The following GALNT13 variants were observed in gnomAD, a reference collection of about 807,000 sequenced individuals.
The protein encoded by GALNT13 is UDP-GalNAc:polypeptide N-acetylgalactosaminyltransferase 13.
Under a neutral mutation model 64.2 loss-of-function variants are expected in GALNT13, and 28 were observed. The observed-to-expected ratio is 0.44, with a 90% CI of 0.32 to 0.60. GALNT13 has a LOEUF of 0.60. Among genes scored for constraint, GALNT13 ranks in the 20% least tolerant of loss-of-function variants. GALNT13 has a pLI of 0.05. For missense variants in GALNT13, 577 were observed against 669.8 expected (o/e 0.86, Z 1.53); for synonymous variants, 214 against 224.6 (o/e 0.95, Z 0.42).
At chr2:154,108,499 C>T (rs938500032) in intron 3 of GALNT13, among the ~76,000 whole-genome samples, 1 of 151,736 alleles carries the variant, frequency 6.6e-6, no homozygotes, top group African/African-American at 2.4e-5. Context: ...ATATTAAATC[C>T]TTCTCAGATG....
At chr2:154,021,483 C>T (rs1308410665) in intron 3 of GALNT13, among the ~76,000 whole-genome samples, 2 of 152,104 alleles carry the variant, frequency 1.3e-5, no homozygotes, top group African/African-American at 2.4e-5. Context: ...GGAATTCACT[C>T]ATGATTTGGC....
the GALNT13 span, among the ~76,000 whole-genome samples, chr2:153,289,666 T>G: frequency 6.6e-6 from 1 of 152,176 alleles, no homozygotes; most frequent in Admixed American, 6.5e-5. Flanking sequence ...GAGAAGATAC[T>G]TTTAAAATCA....
chr2:153,520,223 T>G, the GALNT13 span, among the ~76,000 whole-genome samples: 3 of 152,180 alleles, frequency 2.0e-5, no homozygotes, highest in Non-Finnish European at 2.9e-5. Context: ...TAAGGTACCT[T>G]AAGGAATGGA....
chr2:153,759,729 G>A, the GALNT13 span, among the ~76,000 whole-genome samples: 6 of 151,864 alleles, frequency 4.0e-5, no homozygotes, highest in African/African-American at 1.2e-4. Flanking sequence ...CATTTTGTTC[G>A]GGATTTTTGC....
chr2:153,362,788 G>A, the GALNT13 span, among the ~76,000 whole-genome samples: 1 of 152,068 alleles, frequency 6.6e-6, no homozygotes, highest in Non-Finnish European at 1.5e-5. Context: ...ATAATAGTGG[G>A]AGACTTTAAC....
the GALNT13 span, among the ~76,000 whole-genome samples, chr2:153,257,303 G>A: frequency 6.6e-6 from 1 of 152,108 alleles, no homozygotes; most frequent in Admixed American, 6.5e-5. Flanking sequence ...GCCTCGCCCT[G>A]CTTCGGCTCG....
chr2:153,652,721 T>C, the GALNT13 span, among the ~76,000 whole-genome samples: 1 of 152,196 alleles, frequency 6.6e-6, no homozygotes, highest in African/African-American at 2.4e-5. Flanking sequence ...CTCACCAGTT[T>C]GTCCGAATGT....
the GALNT13 span, among the ~76,000 whole-genome samples, chr2:153,209,682 C>A: frequency 3.3e-5 from 5 of 152,076 alleles, no homozygotes; most frequent in East Asian, 7.7e-4. Flanking sequence ...TTAGAATCAG[C>A]CTTTATATTT....
At chr2:154,064,015 A>G (rs925379184) in intron 3 of GALNT13, among the ~76,000 whole-genome samples, 3 of 152,094 alleles carry the variant, frequency 2.0e-5, no homozygotes, top group Non-Finnish European at 2.9e-5. Context: ...TGTGGACATC[A>G]CTCTACCCCT....
At chr2:153,368,829 T>C in the GALNT13 span, among the ~76,000 whole-genome samples, 310 of 152,160 alleles carry the variant, frequency 2.0e-3, 1 homozygote, top group African/African-American at 7.0e-3. Flanking sequence ...ATATACCTAA[T>C]GAATATTTAG....
intron 9 of GALNT13, among the ~76,000 whole-genome samples, chr2:154,361,130 G>T (rs1283879249): frequency 6.6e-6 from 1 of 151,956 alleles, no homozygotes; most frequent in Non-Finnish European, 1.5e-5. Context: ...CAAAAGAACA[G>T]CTTATTTTTG....
chr2:153,680,578 G>A, the GALNT13 span, among the ~76,000 whole-genome samples: 1 of 151,730 alleles, frequency 6.6e-6, no homozygotes, highest in East Asian at 1.9e-4. Context: ...AAGAAATTTT[G>A]GATTGCCCAT....
chr2:154,136,867 A>T (rs1402369938), intron 3 of GALNT13, among the ~76,000 whole-genome samples: 1 of 152,128 alleles, frequency 6.6e-6, no homozygotes, highest in African/African-American at 2.4e-5. Context: ...AATCAACAAT[A>T]AAAAAACCAC....
chr2:153,345,297 G>A, the GALNT13 span, among the ~76,000 whole-genome samples: 1 of 152,152 alleles, frequency 6.6e-6, no homozygotes, highest in African/African-American at 2.4e-5. Flanking sequence ...GTTGCATGTT[G>A]AGTTTGCCTG....
At chr2:154,367,752 C>T (rs1574173557) in intron 9 of GALNT13, among the ~76,000 whole-genome samples, 1 of 152,070 alleles carries the variant, frequency 6.6e-6, no homozygotes, top group South Asian at 2.1e-4. Context: ...TTGCCAATTT[C>T]TCTATTGATA....
chr2:153,769,003 C>T, the GALNT13 span, among the ~76,000 whole-genome samples: 1 of 152,134 alleles, frequency 6.6e-6, no homozygotes, highest in African/African-American at 2.4e-5. Context: ...AGTCATTACA[C>T]CTGTCTCTTG....
At chr2:153,349,365 AT>A in the GALNT13 span, among the ~76,000 whole-genome samples, 7 of 152,152 alleles carry the variant, frequency 4.6e-5, no homozygotes, top group African/African-American at 1.7e-4. Flanking sequence ...CAACTTTATC[AT>A]TTTTTTCTAT....
chr2:153,133,922 T>A, the GALNT13 span, among the ~76,000 whole-genome samples: 1 of 152,296 alleles, frequency 6.6e-6, no homozygotes, highest in East Asian at 1.9e-4. Flanking sequence ...ACAATAGGTG[T>A]CAAAGAATGC....
At chr2:153,695,334 A>G in the GALNT13 span, among the ~76,000 whole-genome samples, 2 of 152,222 alleles carry the variant, frequency 1.3e-5, no homozygotes, top group South Asian at 2.1e-4. Flanking sequence ...AACCCTCTCA[A>G]AAATACAAGT....
Sources: allele counts gnomAD v4.1 joint callset (sites outside exome capture counted in the v4.1 genomes callset), GRCh38; gene constraint gnomAD v4.1.1; transcripts MANE v1.5; gene names NCBI Gene and HGNC (gene_info 2026-07-23, HGNC 2026-07-21).